The following CFHR4 variants were observed in gnomAD, a reference collection of about 807,000 sequenced individuals.
CFHR4 encodes the protein complement factor H related 4, also known as complement factor H-related protein 4.
A neutral mutation model predicts 69.3 loss-of-function variants in CFHR4; 64 were observed. That is an observed-to-expected ratio of 0.92 (90% confidence interval 0.76 to 1.14). CFHR4 has a LOEUF of 1.14. Among genes scored for constraint, CFHR4 ranks in the 50% most tolerant of loss-of-function variants. CFHR4 has a pLI of 0.00. For synonymous variants in CFHR4, 244 were observed against 237.0 expected, an observed-to-expected ratio of 1.03 and a Z score of -0.27; for missense variants, 636 against 684.9, an observed-to-expected ratio of 0.93 and a Z score of 0.80.
chr1:196,892,851 G>A lies in CFHR4; in HGVS notation c.58+4643G>A, dbSNP rs1484250928. 1.3e-5 allele frequency among the ~76,000 whole-genome samples: 2 copies of A among 151,416 alleles called. 1 individual carries two copies. The highest frequency in any genetic ancestry group is 2.9e-5 in the Non-Finnish European group (2 of 67,934). On this transcript the variant is annotated intron_variant, in intron 1 of 9. Transcript: ENST00000608469. ...ATTTTTTTGTTGGCAGATTTACCTA[G>A]TGGAAACAACATGTGTATTTAGCTT...
At chr1:196,895,079 A>G (rs1461481143) in intron 1 of CFHR4, among the ~76,000 whole-genome samples, 2 of 151,206 alleles carry the variant, frequency 1.3e-5, no homozygotes, top group African/African-American at 4.9e-5. Flanking sequence ...TATTAAAGAA[A>G]AAAGTTAGCC....
intron 1 of CFHR4, among the ~76,000 whole-genome samples, chr1:196,892,905 G>T (rs1394274569): frequency 6.6e-6 from 1 of 151,534 alleles, no homozygotes; most frequent in Non-Finnish European, 1.5e-5. Context: ...AATATCAGAT[G>T]AGGAAACATT....
rs776465039 is a variant in CFHR4 at position 196,898,096 on chromosome 1, T to C, written c.59-4322T>C. Among the ~76,000 whole-genome samples, 3 of 151,438 alleles carry C rather than the reference T, an allele frequency of 2.0e-5. 1 individual carries two copies. The highest frequency in any genetic ancestry group is 4.4e-5 in the Non-Finnish European group (3 of 67,956). ...GTACTTTATTTTAATGGGTAGTGAT[T>C]TCTACATAGTCCACACAGCCGTTTT... On this transcript the variant is annotated intron_variant, in intron 1 of 9. Coordinates refer to ENST00000608469, the MANE Select transcript of CFHR4 (RefSeq NM_001201550.3).
At position 196,905,279 on chromosome 1, in the gene CFHR4, C is replaced by G. The variant is rs1438992352; in HGVS notation, c.428C>G (p.Pro143Arg). 4.3e-6 allele frequency: 7 copies of G among 1,610,970 alleles called. 1 individual carries two copies. The highest frequency in any genetic ancestry group is 5.9e-6 in the Non-Finnish European group (7 of 1,178,644). ...TTGCAAAATGGATGGTCAACACAAC[C>G]AATTTGCATTAGTAAGTTATTTACA... Reference protein sequence around the residue: ...TCLQNGWSTQPICIKFCDMPV... With the variant: ...TCLQNGWSTQRICIKFCDMPV... The change falls in exon 3 of 10, where the codon CCA (proline) becomes CGA (arginine). Residue 143 changes from proline to arginine, a missense_variant. This residue lies in a region of CFHR4 where 529 missense variants were observed against 533.2 expected (regional missense o/e 0.99). Transcript: ENST00000608469.
chr1:196,900,778 C>A (rs1185988385), intron 1 of CFHR4, among the ~76,000 whole-genome samples: 1 of 151,010 alleles, frequency 6.6e-6, no homozygotes, highest in South Asian at 2.1e-4. Context: ...CGGGGGGAAA[C>A]AACAGAATGT....
At chr1:196,917,594 A>G (rs1658719620) in intron 9 of CFHR4, among the ~76,000 whole-genome samples, 1 of 151,452 alleles carries the variant, frequency 6.6e-6, no homozygotes, top group African/African-American at 2.4e-5. Flanking sequence ...TCTTTAAAAT[A>G]GAAAATGAAG....
intron 1 of CFHR4, among the ~76,000 whole-genome samples, chr1:196,900,317 A>ATT (rs36051521): frequency 0.37 from 49,095 of 134,000 alleles, 9,970 homozygotes; most frequent in East Asian, 0.7. Flanking sequence ...CATAGGTGGA[A>ATT]TTTTTTTTTT....
In CFHR4 at chr1:196,918,480, G is replaced by A; in HGVS notation, c.*74G>A. Reference sequence around the variant, plus strand: ...TATGGTCTCAAAGCTTGCAAAGATAGCTTCTGATATTGTTGTAATTTCTAC... The same window carrying A: ...TATGGTCTCAAAGCTTGCAAAGATAACTTCTGATATTGTTGTAATTTCTAC... On this transcript the variant is annotated 3_prime_UTR_variant, in exon 10 of 10. Transcript: ENST00000608469. The A allele has an allele frequency of 1.4e-6, 2 of 1,383,450 alleles. No individual in the cohort carries two copies. The highest frequency in any genetic ancestry group is 1.4e-5 in the African/African-American group (1 of 69,142). The allele number at this position is 1,383,450 out of a possible 1,614,324, so 85.7% of individuals were successfully genotyped here.
chr1:196,889,495 G>C (rs1375627905), intron 1 of CFHR4, among the ~76,000 whole-genome samples: 1 of 151,440 alleles, frequency 6.6e-6, no homozygotes, highest in Non-Finnish European at 1.5e-5. Flanking sequence ...AGCAGTATAA[G>C]AAAAGAATGC....
intron 6 of CFHR4, among the ~76,000 whole-genome samples, chr1:196,912,309 T>G (rs192940810): frequency 2.6e-5 from 4 of 151,410 alleles, no homozygotes; most frequent in Non-Finnish European, 5.9e-5. Context: ...AAAATTACTT[T>G]CTTGCCTATG....
intron 2 of CFHR4, 51 bp from the exon 3 acceptor site, chr1:196,905,057 A>G: frequency 6.9e-7 from 1 of 1,441,162 alleles, no homozygotes; most frequent in South Asian, 1.3e-5. Flanking sequence ...CCCTTCTATA[A>G]AAGAAGTATT....
At chr1:196,908,973 C>A (rs936718831) in intron 5 of CFHR4, among the ~76,000 whole-genome samples, 2 of 151,396 alleles carry the variant, frequency 1.3e-5, no homozygotes, top group African/African-American at 4.9e-5. Flanking sequence ...ATTTATGTAT[C>A]CACTTCTGTA....
At chr1:196,892,041 A>G (rs1657067900) in intron 1 of CFHR4, among the ~76,000 whole-genome samples, 1 of 151,570 alleles carries the variant, frequency 6.6e-6, no homozygotes, top group Admixed American at 6.6e-5. Flanking sequence ...TATTTTCCAA[A>G]AAACAATTAT....
rs200740555 is a variant in CFHR4 at position 196,914,496 on chromosome 1, A to G, written c.1182A>G (p.Lys394=). 466 of 1,605,092 alleles carry G rather than the reference A, an allele frequency of 2.9e-4. 15 individuals carry two copies. In the African/African-American group the frequency reaches 5.4e-3, roughly 19 times the overall value. ...ATCCTCAATTTTATTTTGTTTCAGAATTTTGTGATATGCCTGTTTTTGAGA... is the reference window on the plus strand; with the variant it reads ...ATCCTCAATTTTATTTTGTTTCAGAGTTTTGTGATATGCCTGTTTTTGAGA... ...NGWSAQPICI[K]FCDMPVFENS... is the part of the protein sequence containing the mutation. The change falls in exon 8 of 10, where the codon AAA becomes AAG. Residue 394 remains lysine, a splice_region_variant and synonymous_variant. Coordinates refer to ENST00000608469, the MANE Select transcript of CFHR4 (RefSeq NM_001201550.3).
intron 3 of CFHR4, among the ~76,000 whole-genome samples, chr1:196,905,779 A>G (rs1171734290): frequency 2.0e-5 from 3 of 151,502 alleles, no homozygotes; most frequent in Non-Finnish European, 4.4e-5. Context: ...AGGAGAACCA[A>G]CTCAAAAAAT....
chr1:196,905,558 G>T (rs1657864348), intron 3 of CFHR4, among the ~76,000 whole-genome samples: 1 of 151,412 alleles, frequency 6.6e-6, no homozygotes, highest in African/African-American at 2.4e-5. Context: ...TTAGGGAGCT[G>T]CATGGGAATA....
At chr1:196,902,298 C>T in intron 1 of CFHR4, 120 bp from the exon 2 acceptor site, 1 of 712,664 alleles carries the variant, frequency 1.4e-6, no homozygotes, top group Non-Finnish European at 2.3e-6. Flanking sequence ...CTTTTCTTGC[C>T]CTAAAACCCC....
intron 1 of CFHR4, among the ~76,000 whole-genome samples, chr1:196,900,317 A>ATTT (rs36051521): frequency 0.078 from 10,408 of 133,940 alleles, 546 homozygotes; most frequent in Non-Finnish European, 0.087. Flanking sequence ...CATAGGTGGA[A>ATTT]TTTTTTTTTT....
intron 2 of CFHR4, among the ~76,000 whole-genome samples, chr1:196,904,685 C>T (rs1441748848): frequency 1.3e-5 from 2 of 151,536 alleles, no homozygotes; most frequent in Non-Finnish European, 2.9e-5. Context: ...AAAAGATTTA[C>T]AAATTTATTT....
Sources: gnomAD v4.1 joint callset for allele counts (sites outside exome capture counted in the v4.1 genomes callset) on GRCh38, gnomAD v4.1.1 for gene constraint, gnomAD v4.1.1 regional missense constraint, MANE v1.5 for transcripts, NCBI Gene and HGNC (gene_info 2026-07-23, HGNC 2026-07-21) for gene names.